Variants in KSR1 observed in about 807,000 individuals in gnomAD.
KSR1 encodes kinase suppressor of ras.
KSR1 carries 35 observed loss-of-function variants against 92.9 expected under a neutral mutation model. The ratio of observed to expected loss-of-function variants is 0.38; its 90% CI spans 0.29 to 0.50. KSR1 has a LOEUF of 0.50. Among genes scored for constraint, KSR1 ranks in the 20% least tolerant of loss-of-function variants. The probability of loss-of-function intolerance (pLI) is 0.94; values close to 1 mark genes in which losing one functional copy is unlikely to be tolerated. For synonymous variants in KSR1, 467 were observed against 472.6 expected (o/e 0.99, Z 0.15); for missense variants, 972 against 1,158.5 (o/e 0.84, Z 2.34).
chr17:27,501,196 G>A (rs1481007991), intron 1 of KSR1, among the ~76,000 whole-genome samples: 2 of 147,562 alleles, frequency 1.4e-5, no homozygotes, highest in African/African-American at 5.0e-5. Context: ...GCTTGTGGTT[G>A]CTTTAGAGTC....
chr17:27,485,375 C>T (rs1020953218), intron 1 of KSR1, among the ~76,000 whole-genome samples: 13 of 152,192 alleles, frequency 8.5e-5, no homozygotes, highest in African/African-American at 2.9e-4. Flanking sequence ...GTCAATCTGG[C>T]TTGCACGCTC....
chr17:27,563,820 G>T (rs1350840864), intron 2 of KSR1, among the ~76,000 whole-genome samples: 2 of 152,032 alleles, frequency 1.3e-5, no homozygotes, highest in Non-Finnish European at 2.9e-5. Context: ...CTCTGACCGG[G>T]ACTTAGAGGT....
intron 2 of KSR1, among the ~76,000 whole-genome samples, chr17:27,567,560 C>T (rs2072131434): frequency 6.6e-6 from 1 of 152,208 alleles, no homozygotes; most frequent in Non-Finnish European, 1.5e-5. Flanking sequence ...CCCAGAGCCG[C>T]ATTGCTTCTG....
At chr17:27,564,076 CCT>C (rs1448256440) in intron 2 of KSR1, among the ~76,000 whole-genome samples, 1 of 146,882 alleles carries the variant, frequency 6.8e-6, no homozygotes, top group Admixed American at 6.9e-5. Flanking sequence ...GCTACCTCCA[CCT>C]CCCAGGTTCA....
At position 27,526,299 on chromosome 17, in the gene KSR1, G is replaced by A. The variant is rs1269892857; in HGVS notation, c.232-24269G>A. On this transcript the variant is annotated intron_variant, in intron 1 of 20. Coordinates refer to ENST00000644974, the MANE Select transcript of KSR1 (RefSeq NM_001394583.1). ...TACCACTCAAATTTTCCTAGTTGTC[G>A]CTCTGTTACAGGTTACTGACCGCAA... 8.9e-6 allele frequency: 8 copies of A among 901,562 alleles called. No individual in the cohort carries two copies. In the East Asian group the frequency reaches 2.0e-4, roughly 23 times the overall value. 55.8% of individuals were successfully genotyped at this position (901,562 alleles called of 1,614,324 possible). A position where few individuals can be genotyped will look rare whatever the true frequency, so the allele number is the denominator to read the frequency against.
chr17:27,518,597 G>C (rs1976282886), intron 1 of KSR1, among the ~76,000 whole-genome samples: 1 of 152,186 alleles, frequency 6.6e-6, no homozygotes, highest in Non-Finnish European at 1.5e-5. Flanking sequence ...ACCTTGCCAG[G>C]CTCTTGCAAT....
At chr17:27,482,931 G>A (rs185258957) in intron 1 of KSR1, among the ~76,000 whole-genome samples, 6 of 152,234 alleles carry the variant, frequency 3.9e-5, no homozygotes, top group Non-Finnish European at 7.4e-5. Flanking sequence ...GTGTTGGGGG[G>A]AAAATCATGT....
At chr17:27,575,626 A>G (rs541387068) in intron 2 of KSR1, among the ~76,000 whole-genome samples, 2 of 152,112 alleles carry the variant, frequency 1.3e-5, no homozygotes, top group South Asian at 4.2e-4. Context: ...TCTCACCCTC[A>G]TTTTACCCAG....
At chr17:27,601,803 T>C (rs1317381438) in intron 11 of KSR1, 4 of 905,370 alleles carry the variant, frequency 4.4e-6, no homozygotes, top group Non-Finnish European at 6.9e-6. Context: ...GGATATCTTA[T>C]GCACAATGTC....
At chr17:27,466,873 T>C (rs749597775) in intron 1 of KSR1, among the ~76,000 whole-genome samples, 22 of 152,210 alleles carry the variant, frequency 1.4e-4, no homozygotes, top group Non-Finnish European at 7.4e-5. Flanking sequence ...GAGCGCTGGT[T>C]CCACCCCGTT....
At chr17:27,533,103 C>T (rs145617158) in intron 1 of KSR1, among the ~76,000 whole-genome samples, 4 of 152,270 alleles carry the variant, frequency 2.6e-5, no homozygotes, top group Non-Finnish European at 5.9e-5. Context: ...AGTAATGTAG[C>T]CCATGGTTAA....
At chr17:27,524,804 G>C (rs915534855) in intron 1 of KSR1, among the ~76,000 whole-genome samples, 7 of 152,212 alleles carry the variant, frequency 4.6e-5, no homozygotes, top group African/African-American at 1.7e-4. Context: ...GGATTAGAAG[G>C]CTGCAGGCAG....
Position 27,592,353 on chromosome 17 carries a change from T to A in KSR1, c.1131-8T>A. 1.2e-6 allele frequency: 2 copies of A among 1,613,680 alleles called. No homozygotes were observed. The highest frequency in any genetic ancestry group is 1.7e-6 in the Non-Finnish European group (2 of 1,179,606). On this transcript the variant is annotated splice_region_variant and splice_polypyrimidine_tract_variant and intron_variant, in intron 7 of 20. Transcript: ENST00000644974. The stretch of plus-strand genomic sequence containing the variant: ...TGCTTTGCACACCAACCTCCCCTTC[T>A]TTACCAGGTTGAAGTGTCACAACAA...
chr17:27,623,481 G>C lies in KSR1; in HGVS notation c.*89G>C, dbSNP rs982349627. On this transcript the variant is annotated 3_prime_UTR_variant, in exon 21 of 21. Transcript: ENST00000644974. ...ACAACCACCACGACAAAAAAACACT[G>C]CCTGCCCAGCGCTGCAAACCAGGAG... The C allele has an allele frequency of 2.8e-6, 2 of 702,662 alleles. No individual in the cohort carries two copies. Among genetic ancestry groups the C allele is most frequent in the African/African-American group, 3.5e-5 (2 of 57,052 alleles). The allele number at this position is 702,662 out of a possible 1,614,324, so 43.5% of individuals were successfully genotyped here. A position where few individuals can be genotyped will look rare whatever the true frequency, so the allele number is the denominator to read the frequency against.
intron 1 of KSR1, among the ~76,000 whole-genome samples, chr17:27,493,384 C>T (rs1597875632): frequency 1.3e-5 from 2 of 152,102 alleles, no homozygotes; most frequent in Admixed American, 6.6e-5. Context: ...TGTGAAACAC[C>T]GGGGTCAGGC....
At chr17:27,471,703 C>G (rs765379968) in intron 1 of KSR1, among the ~76,000 whole-genome samples, 1 of 152,182 alleles carries the variant, frequency 6.6e-6, no homozygotes, top group Non-Finnish European at 1.5e-5. Flanking sequence ...CTCCGCCCTC[C>G]TGGCCGGGTT....
At chr17:27,490,414 A>G (rs1353258276) in intron 1 of KSR1, among the ~76,000 whole-genome samples, 1 of 152,242 alleles carries the variant, frequency 6.6e-6, no homozygotes, top group Non-Finnish European at 1.5e-5. Flanking sequence ...AGATGAACGG[A>G]ACCTTAGAGT....
chr17:27,617,068 GA>G (rs997100340), intron 18 of KSR1, among the ~76,000 whole-genome samples: 5 of 152,164 alleles, frequency 3.3e-5, no homozygotes, highest in Non-Finnish European at 5.9e-5. Context: ...ATGGATCTAA[GA>G]AGGAAGGAGG....
intron 7 of KSR1, among the ~76,000 whole-genome samples, chr17:27,591,896 C>G (rs940660406): frequency 6.6e-6 from 1 of 152,222 alleles, no homozygotes; most frequent in Non-Finnish European, 1.5e-5. Flanking sequence ...AATCCTGGCC[C>G]GGGGCTGACC....
Sources: gnomAD v4.1 joint callset for allele counts (sites outside exome capture counted in the v4.1 genomes callset) on GRCh38, gnomAD v4.1.1 for gene constraint, MANE v1.5 for transcripts, NCBI Gene and HGNC (gene_info 2026-07-23, HGNC 2026-07-21) for gene names.